The following DYNC2I2 variants were observed in gnomAD, a reference collection of about 807,000 sequenced individuals.
The protein encoded by DYNC2I2 is cytoplasmic dynein 2 intermediate chain 2.
Under a neutral mutation model 52.0 loss-of-function variants are expected in DYNC2I2, and 39 were observed. The ratio of observed to expected loss-of-function variants is 0.75; its 90% CI spans 0.58 to 0.98. The LOEUF (loss-of-function observed/expected upper bound fraction) is 0.98, where lower values mean the gene tolerates loss of function less well. Ranked by LOEUF, DYNC2I2 falls within the 50% of genes least tolerant of loss-of-function variation. The pLI, the probability that DYNC2I2 is intolerant of heterozygous loss-of-function variation, is 0.00. For missense variants in DYNC2I2, 743 were observed against 728.4 expected (o/e 1.02, Z -0.23); for synonymous variants, 359 against 321.1 (o/e 1.12, Z -1.26).
At chr9:128,680,129 C>T in the DYNC2I2 span, among the ~76,000 whole-genome samples, 2 of 152,010 alleles carry the variant, frequency 1.3e-5, no homozygotes, top group East Asian at 1.9e-4. Context: ...GGTGTGACCT[C>T]GGCTCACCAC....
upstream of DYNC2I2, among the ~76,000 whole-genome samples, chr9:128,657,063 C>T (rs1860844882): frequency 6.6e-6 from 1 of 152,196 alleles, no homozygotes; most frequent in Non-Finnish European, 1.5e-5. Flanking sequence ...CAGCCTGCGG[C>T]CGTGGCCGGC....
At chr9:128,654,166 T>G (rs1347779463) in intron 1 of DYNC2I2, among the ~76,000 whole-genome samples, 1 of 152,134 alleles carries the variant, frequency 6.6e-6, no homozygotes, top group East Asian at 1.9e-4. Flanking sequence ...ACCGTTCCCA[T>G]ACAGCACAGC....
the DYNC2I2 span, among the ~76,000 whole-genome samples, chr9:128,678,172 C>T: frequency 2.0e-5 from 3 of 151,190 alleles, no homozygotes; most frequent in East Asian, 3.9e-4. Context: ...CGCATTCAAG[C>T]GTTTCTCCTG....
At chr9:128,681,557 G>A in the DYNC2I2 span, among the ~76,000 whole-genome samples, 1 of 152,152 alleles carries the variant, frequency 6.6e-6, no homozygotes, top group Non-Finnish European at 1.5e-5. Flanking sequence ...ATTGGTGCAC[G>A]TTATGCATAT....
At position 128,635,169 on chromosome 9, in the gene DYNC2I2, C is replaced by G. The variant is rs373253932; in HGVS notation, c.904G>C (p.Gly302Arg). The G allele has an allele frequency of 1.9e-6, 3 of 1,613,380 alleles. No individual in the cohort carries two copies. The highest frequency in any genetic ancestry group is 8.5e-7 in the Non-Finnish European group (1 of 1,179,994). The change falls in exon 6 of 9, where the codon GGG (glycine) becomes CGG (arginine). Residue 302 changes from glycine (G) to arginine (R), a missense_variant. By Grantham distance (125) the Gly-to-Arg change is moderately radical. Transcript: ENST00000372715. ...DGKVLLWQGIGVGQLQLTEGF... is the reference protein window; with the variant it reads ...DGKVLLWQGIRVGQLQLTEGF... ...TCTGTGAGCTGCAGCTGGCCTACCC[C>G]GATGCCCTGCCAGAGTAGCACCTTC...
At chr9:128,667,915 T>G in the DYNC2I2 span, among the ~76,000 whole-genome samples, 1 of 136,698 alleles carries the variant, frequency 7.3e-6, no homozygotes, top group Non-Finnish European at 1.5e-5. Flanking sequence ...GTATTTGTAG[T>G]AGAGATGGGG....
At chr9:128,665,521 G>C in the DYNC2I2 span, among the ~76,000 whole-genome samples, 3 of 152,018 alleles carry the variant, frequency 2.0e-5, no homozygotes, top group Non-Finnish European at 4.4e-5. Context: ...TGTAATTCCA[G>C]TACATTAAGA....
chr9:128,656,695 C>T lies in DYNC2I2; in HGVS notation c.32G>A (p.Ser11Asn). The T allele has an allele frequency of 6.8e-7, 1 of 1,478,844 alleles. No individual in the cohort carries two copies. 91.6% of individuals were successfully genotyped at this position (1,478,844 alleles called of 1,614,324 possible). The change falls in exon 1 of 9, where the codon AGC (serine) becomes AAC (asparagine). Residue 11 changes from serine to asparagine, a missense_variant. Physicochemically the swap from Ser to Asn is conservative, Grantham distance 46. Transcript: ENST00000372715. MATRAQPGPL[S>N]QAGSAGVAAL... is the part of the protein sequence containing the mutation. ...CGCAACACCAGCGCTTCCCGCCTGG[C>T]TGAGTGGCCCCGGCTGCGCGCGGGT...
chr9:128,682,887 A>T, the DYNC2I2 span, among the ~76,000 whole-genome samples: 1 of 150,914 alleles, frequency 6.6e-6, no homozygotes. Context: ...CATGTTAGCC[A>T]GGATGGTCTC....
At chr9:128,634,994 C>T (rs1030395018) in intron 6 of DYNC2I2, 73 bp from the exon 7 acceptor site, 3 of 1,589,222 alleles carry the variant, frequency 1.9e-6, no homozygotes, top group Non-Finnish European at 2.6e-6. Context: ...AGCCAGAGAA[C>T]AGGAGGGGAG....
At chr9:128,639,893 C>T (rs1463333643) in intron 2 of DYNC2I2, among the ~76,000 whole-genome samples, 4 of 152,022 alleles carry the variant, frequency 2.6e-5, no homozygotes, top group Non-Finnish European at 5.9e-5. Context: ...CTCGAACTGC[C>T]AACCTCAGGT....
At chr9:128,663,310 T>G in the DYNC2I2 span, 2 of 152,256 alleles carry the variant, frequency 1.3e-5, no homozygotes, top group Non-Finnish European at 2.9e-5. Context: ...GCCCCACTCC[T>G]TCCTCTTCTT....
chr9:128,669,464 G>A, the DYNC2I2 span, among the ~76,000 whole-genome samples: 1 of 152,288 alleles, frequency 6.6e-6, no homozygotes, highest in South Asian at 2.1e-4. Context: ...TCAGGAGGCT[G>A]AGGTGGTCAG....
the DYNC2I2 span, among the ~76,000 whole-genome samples, chr9:128,673,736 G>A: frequency 2.0e-5 from 3 of 151,582 alleles, no homozygotes; most frequent in African/African-American, 7.3e-5. Context: ...TCGATCTCCT[G>A]ACCTCGTGAT....
chr9:128,644,660 G>A (rs962739822), intron 1 of DYNC2I2, among the ~76,000 whole-genome samples: 2 of 152,148 alleles, frequency 1.3e-5, no homozygotes, highest in Non-Finnish European at 2.9e-5. Context: ...CACGTGCGAA[G>A]CTGGGCCGCA....
chr9:128,679,872 A>G, the DYNC2I2 span, among the ~76,000 whole-genome samples: 5 of 152,000 alleles, frequency 3.3e-5, no homozygotes, highest in East Asian at 9.6e-4. Flanking sequence ...ACAGACACAC[A>G]TATATAAAAT....
At chr9:128,667,572 G>A in the DYNC2I2 span, among the ~76,000 whole-genome samples, 2 of 149,358 alleles carry the variant, frequency 1.3e-5, no homozygotes, top group Non-Finnish European at 3.0e-5. Context: ...GCCTCGTCCT[G>A]TATTTTTTTC....
the DYNC2I2 span, among the ~76,000 whole-genome samples, chr9:128,670,735 AAAC>A: frequency 2.6e-5 from 2 of 77,336 alleles, no homozygotes; most frequent in African/African-American, 9.9e-5. Context: ...ACTCCATCTC[AAAC>A]AACAACAACA....
At chr9:128,655,075 C>T (rs1019392955) in intron 1 of DYNC2I2, among the ~76,000 whole-genome samples, 3 of 151,844 alleles carry the variant, frequency 2.0e-5, no homozygotes, top group African/African-American at 4.8e-5. Context: ...GCTGAAAGTC[C>T]GCACAGACCC....
Sources: gnomAD v4.1 joint callset for allele counts (sites outside exome capture counted in the v4.1 genomes callset) on GRCh38, gnomAD v4.1.1 for gene constraint, MANE v1.5 for transcripts, NCBI Gene and HGNC (gene_info 2026-07-23, HGNC 2026-07-21) for gene names.